Variants in BCL2 observed in about 807,000 individuals in gnomAD.
BCL2 encodes apoptosis regulator Bcl-2.
BCL2 carries 1 observed loss-of-function variant against 14.2 expected under a neutral mutation model. The observed-to-expected ratio is 0.07, with a 90% CI of 0.02 to 0.33. BCL2 has a LOEUF of 0.33. Among genes scored for constraint, BCL2 ranks in the 10% least tolerant of loss-of-function variants. The probability of loss-of-function intolerance (pLI) is 0.99; values close to 1 mark genes in which losing one functional copy is unlikely to be tolerated. For missense variants in BCL2, 247 were observed against 305.9 expected (o/e 0.81, Z 1.44); for synonymous variants, 151 against 137.2 (o/e 1.10, Z -0.70).
In BCL2 at chr18:63,127,440, G is replaced by A. The variant is rs1006674645; in HGVS notation, c.*1185C>T. The A allele has an allele frequency of 1.3e-4, 30 of 234,942 alleles. No homozygotes were observed. Among genetic ancestry groups the A allele is most frequent in the African/African-American group, 6.0e-4 (27 of 45,240 alleles). The allele number at this position is 234,942 out of a possible 1,614,324, so 14.6% of individuals were successfully genotyped here. A position where few individuals can be genotyped will look rare whatever the true frequency, so the allele number is the denominator to read the frequency against. ...AAGGGTCGTGGCTCCCATGCTCCACGTGAAAACGGGCCTACCTGGAGGGCC... is the reference window on the plus strand; with the variant it reads ...AAGGGTCGTGGCTCCCATGCTCCACATGAAAACGGGCCTACCTGGAGGGCC... On this transcript the variant is annotated 3_prime_UTR_variant, in exon 3 of 3. Coordinates refer to ENST00000333681, the MANE Select transcript of BCL2 (RefSeq NM_000633.3).
chr18:63,250,536 A>C (rs1911280187), intron 2 of BCL2, among the ~76,000 whole-genome samples: 1 of 152,238 alleles, frequency 6.6e-6, no homozygotes, highest in African/African-American at 2.4e-5. Context: ...CATTGTATAC[A>C]CAAAAGCATA....
chr18:63,229,137 A>G (rs1164339235), intron 2 of BCL2, among the ~76,000 whole-genome samples: 1 of 152,260 alleles, frequency 6.6e-6, no homozygotes, highest in Non-Finnish European at 1.5e-5. Context: ...ATTAACTACA[A>G]GAAAGTAACA....
chr18:63,241,634 C>T (rs983760192), intron 2 of BCL2, among the ~76,000 whole-genome samples: 23 of 152,102 alleles, frequency 1.5e-4, no homozygotes, highest in East Asian at 3.9e-4. Context: ...AAATCCTTCC[C>T]GAGGTTATTA....
At chr18:63,146,612 T>A (rs1205678079) in intron 2 of BCL2, among the ~76,000 whole-genome samples, 1 of 152,240 alleles carries the variant, frequency 6.6e-6, no homozygotes, top group Non-Finnish European at 1.5e-5. Context: ...ACGTCTAAAT[T>A]TCATCTTTTC....
In BCL2 at chr18:63,270,680, A is replaced by G. The variant is rs538902962; in HGVS notation, c.585+47402T>C. 2.5e-4 allele frequency among the ~76,000 whole-genome samples: 38 copies of G among 152,332 alleles called. 1 individual carries two copies. The South Asian group carries it at 6.6e-3, about 27-fold the overall frequency. On this transcript the variant is annotated intron_variant, in intron 2 of 2. Coordinates refer to ENST00000333681, the MANE Select transcript of BCL2 (RefSeq NM_000633.3). Reference sequence around the variant, plus strand: ...GGAGGAGGAGGAAAGAAATCACTGCATACCTTTTGGGACCTTTTCAATTTT... The same window carrying G: ...GGAGGAGGAGGAAAGAAATCACTGCGTACCTTTTGGGACCTTTTCAATTTT...
chr18:63,231,983 A>C (rs1910701240), intron 2 of BCL2, among the ~76,000 whole-genome samples: 1 of 152,140 alleles, frequency 6.6e-6, no homozygotes, highest in African/African-American at 2.4e-5. Flanking sequence ...GTAAATATAG[A>C]TAACTAGACT....
intron 2 of BCL2, among the ~76,000 whole-genome samples, chr18:63,247,525 C>A (rs557003299): frequency 1.2e-3 from 188 of 152,206 alleles, no homozygotes; most frequent in Non-Finnish European, 1.7e-3. Flanking sequence ...CTTCCTTTAT[C>A]CTTGCAAGTC....
chr18:63,174,558 G>C (rs1042270579), intron 2 of BCL2, among the ~76,000 whole-genome samples: 3 of 152,144 alleles, frequency 2.0e-5, no homozygotes, highest in African/African-American at 7.2e-5. Context: ...GGTGGCTCAT[G>C]CCTGTAATCC....
chr18:63,162,711 C>T (rs2144620396), intron 2 of BCL2, among the ~76,000 whole-genome samples: 1 of 152,292 alleles, frequency 6.6e-6, no homozygotes, highest in South Asian at 2.1e-4. Flanking sequence ...CCTTGGCTAC[C>T]ACTAGGGCAG....
intron 2 of BCL2, among the ~76,000 whole-genome samples, chr18:63,152,416 GA>G (rs1914671668): frequency 6.6e-6 from 1 of 152,110 alleles, no homozygotes; most frequent in African/African-American, 2.4e-5. Context: ...TCTCTTTTAA[GA>G]AAATTCTAAA....
At chr18:63,136,606 A>C (rs958504701) in intron 2 of BCL2, among the ~76,000 whole-genome samples, 1 of 152,258 alleles carries the variant, frequency 6.6e-6, no homozygotes, top group African/African-American at 2.4e-5. Context: ...AGACTCATGC[A>C]TGAGTTACCT....
intron 2 of BCL2, 67 bp from the exon 3 acceptor site, chr18:63,128,826 C>T: frequency 1.4e-6 from 1 of 694,946 alleles, no homozygotes; most frequent in East Asian, 2.7e-5. Flanking sequence ...AATGCCACCC[C>T]ACAGAGAAAG....
intron 2 of BCL2, among the ~76,000 whole-genome samples, chr18:63,267,607 G>C (rs1292389386): frequency 6.6e-6 from 1 of 152,174 alleles, no homozygotes; most frequent in Non-Finnish European, 1.5e-5. Flanking sequence ...ATTTGTTGAG[G>C]TTGAAACATC....
At chr18:63,247,493 C>T (rs541442263) in intron 2 of BCL2, among the ~76,000 whole-genome samples, 7 of 152,214 alleles carry the variant, frequency 4.6e-5, no homozygotes, top group African/African-American at 9.6e-5. Context: ...CCACCGCGCC[C>T]GGCCACAATA....
Position 63,123,580 on chromosome 18 carries a change from C to T in BCL2, c.*5045G>A. The T allele has an allele frequency of 4.8e-6, 1 of 209,634 alleles. No individual in the cohort carries two copies. Among genetic ancestry groups the T allele is most frequent in the South Asian group, 1.9e-4 (1 of 5,326 alleles). 13.0% of individuals were successfully genotyped at this position (209,634 alleles called of 1,614,324 possible). ...TAAAAGTATCAATCTTAAAAAGAGC[C>T]ATGGAAGGTAAAAGTATGAAAATCT... On this transcript the variant is annotated 3_prime_UTR_variant, in exon 3 of 3. Coordinates refer to ENST00000333681, the MANE Select transcript of BCL2 (RefSeq NM_000633.3).
chr18:63,249,213 CA>C (rs1291311186), intron 2 of BCL2, among the ~76,000 whole-genome samples: 1 of 152,176 alleles, frequency 6.6e-6, no homozygotes, highest in Non-Finnish European at 1.5e-5. Context: ...AACATTACCT[CA>C]AAATAGTTTC....
intron 2 of BCL2, among the ~76,000 whole-genome samples, chr18:63,209,394 G>A (rs1909935222): frequency 6.6e-6 from 1 of 152,184 alleles, no homozygotes; most frequent in Non-Finnish European, 1.5e-5. Flanking sequence ...GGGAAATGAA[G>A]TGTTAGTCTG....
intron 2 of BCL2, among the ~76,000 whole-genome samples, chr18:63,179,029 T>C (rs1396344609): frequency 6.6e-6 from 1 of 151,884 alleles, no homozygotes; most frequent in African/African-American, 2.4e-5. Context: ...AATAATAAAA[T>C]AAAGCAGTAA....
At chr18:63,247,310 T>C (rs554566081) in intron 2 of BCL2, among the ~76,000 whole-genome samples, 70 of 147,110 alleles carry the variant, frequency 4.8e-4, no homozygotes, top group African/African-American at 1.7e-3. Flanking sequence ...GCAATTCTCC[T>C]GCCTAAGCCT....
Sources: gnomAD v4.1 joint callset for allele counts (sites outside exome capture counted in the v4.1 genomes callset) on GRCh38, gnomAD v4.1.1 for gene constraint, MANE v1.5 for transcripts, NCBI Gene and HGNC (gene_info 2026-07-23, HGNC 2026-07-21) for gene names.